The following PCDHGB2 variants were observed in gnomAD, a reference collection of about 807,000 sequenced individuals.
The protein encoded by PCDHGB2 is protocadherin gamma-B2.
In PCDHGB2, 55 loss-of-function variants were observed where a neutral mutation model predicts 59.3. That is an observed-to-expected ratio of 0.93 (90% CI 0.75 to 1.16). The LOEUF (loss-of-function observed/expected upper bound fraction) is 1.16. Ranked by LOEUF, PCDHGB2 falls within the 50% of genes most tolerant of loss-of-function variation. PCDHGB2 has a pLI of 0.00. For missense variants in PCDHGB2, 1,228 were observed against 1,198.5 expected (o/e 1.02, Z -0.36); for synonymous variants, 516 against 512.0 (o/e 1.01, Z -0.11).
intron 1 of PCDHGB2, chr5:141,391,737 T>C (rs1050956818): frequency 6.6e-6 from 1 of 152,224 alleles, no homozygotes; most frequent in Non-Finnish European, 1.5e-5. Context: ...TTTGTAGTCA[T>C]ACTTATCCTT....
intron 1 of PCDHGB2, chr5:141,388,466 G>A (rs1426666369): frequency 6.2e-7 from 1 of 1,613,812 alleles, no homozygotes. Flanking sequence ...ACCCTGAGAT[G>A]GTATTGAAGA....
intron 1 of PCDHGB2, chr5:141,422,005 A>G (rs2154549470): frequency 6.2e-7 from 1 of 1,609,814 alleles, no homozygotes; most frequent in Middle Eastern, 1.7e-4. Context: ...CAGCTCCGGA[A>G]CTCGGGTGCT....
Position 141,409,638 on chromosome 5 carries a change from C to T in PCDHGB2, c.2421+47082C>T, listed in dbSNP as rs1040366842. The T allele has an allele frequency of 3.1e-6, 5 of 1,613,648 alleles. No homozygotes were observed. The highest frequency in any genetic ancestry group is 1.7e-5 in the Admixed American group (1 of 60,006). ...ATTGCGCAAGTGAGCGCCTCTGACC[C>T]GGATTTGGGGCTCAATGGCCACATC... On this transcript the variant is annotated intron_variant, in intron 1 of 3. Coordinates refer to ENST00000522605, the MANE Select transcript of PCDHGB2 (RefSeq NM_018923.3).
At chr5:141,395,543 TGTGTG>T in intron 1 of PCDHGB2, 1 of 8,204 alleles carries the variant, frequency 1.2e-4, no homozygotes, top group Non-Finnish European at 2.0e-4. Context: ...TGCTATTGTT[TGTGTG>T]TGTGTGTGTG....
intron 1 of PCDHGB2, chr5:141,441,551 T>C (rs2098254450): frequency 5.4e-6 from 1 of 184,050 alleles, no homozygotes; most frequent in African/African-American, 2.4e-5. Flanking sequence ...GCCTCCATAG[T>C]GTGCAAGTAG....
intron 1 of PCDHGB2, chr5:141,418,422 G>T: frequency 6.2e-7 from 1 of 1,613,996 alleles, no homozygotes; most frequent in Non-Finnish European, 8.5e-7. Context: ...AATCCTGATG[G>T]TGGCAAATAT....
In PCDHGB2 at chr5:141,431,544, T is replaced by C. The variant is rs1409551731; in HGVS notation, c.2422-63263T>C. 1.2e-6 allele frequency: 2 copies of C among 1,614,152 alleles called. No individual in the cohort carries two copies. The highest frequency in any genetic ancestry group is 2.2e-5 in the South Asian group (2 of 91,092). ...AATCTGGCCTTGGGCACGCAGCTGC[T>C]TGTAGTCAACGCTACCGACCCTGAC... On this transcript the variant is annotated intron_variant, in intron 1 of 3. Coordinates refer to ENST00000522605, the MANE Select transcript of PCDHGB2 (RefSeq NM_018923.3). The surrounding 1 kb of genome is among the most constrained non-coding windows in gnomAD (Gnocchi z 4.8).
intron 1 of PCDHGB2, chr5:141,387,676 G>C: frequency 2.7e-6 from 2 of 732,232 alleles, no homozygotes; most frequent in Non-Finnish European, 4.3e-6. Context: ...AGATCTCCTC[G>C]CGCAGCCGCA....
At chr5:141,368,540 A>AT (rs34785174) in intron 1 of PCDHGB2, among the ~76,000 whole-genome samples, 26 of 152,116 alleles carry the variant, frequency 1.7e-4, no homozygotes, top group South Asian at 6.2e-4. Flanking sequence ...TTGCTTTTCC[A>AT]TTTTTTTTAA....
chr5:141,432,227 T>C lies in PCDHGB2; in HGVS notation c.2422-62580T>C, dbSNP rs1046414550. On this transcript the variant is annotated intron_variant, in intron 1 of 3. Coordinates refer to ENST00000522605, the MANE Select transcript of PCDHGB2 (RefSeq NM_018923.3). This position sits in a 1 kb window ranked among gnomAD's most constrained non-coding sequence, Gnocchi z 6.0. ...TGAAGAGAACGCCCAGATCACTTATTCCCTGGCTGAGAACACCATCCAAGG... is the reference window on the plus strand; with the variant it reads ...TGAAGAGAACGCCCAGATCACTTATCCCCTGGCTGAGAACACCATCCAAGG... 1.4e-5 allele frequency: 22 copies of C among 1,614,080 alleles called. No individual in the cohort carries two copies. The highest frequency in any genetic ancestry group is 1.8e-5 in the Non-Finnish European group (21 of 1,180,042).
chr5:141,444,588 A>G (rs1486905298), intron 1 of PCDHGB2, among the ~76,000 whole-genome samples: 1 of 152,138 alleles, frequency 6.6e-6, no homozygotes, highest in Non-Finnish European at 1.5e-5. Flanking sequence ...CTTTCTACTT[A>G]CCTTATTTAA....
intron 2 of PCDHGB2, among the ~76,000 whole-genome samples, chr5:141,495,262 A>G (rs550950979): frequency 1.3e-5 from 2 of 152,246 alleles, no homozygotes; most frequent in South Asian, 2.1e-4. Flanking sequence ...GCAGAAAAGC[A>G]TTTGACCGGA....
Position 141,361,613 on chromosome 5 carries a change from C to T in PCDHGB2, c.1478C>T (p.Ala493Val). The T allele has an allele frequency of 6.2e-7, 1 of 1,613,960 alleles. No homozygotes were observed. Among genetic ancestry groups the T allele is most frequent in the Non-Finnish European group, 8.5e-7 (1 of 1,179,910 alleles). The change falls in exon 1 of 4, where the codon GCG (alanine) becomes GTG (valine). Residue 493 changes from alanine (A) to valine (V), a missense_variant. Physicochemically the swap from Ala to Val is moderately conservative, Grantham distance 64. This residue lies in a region of PCDHGB2 where 781 missense variants were observed against 721.6 expected (regional missense o/e 1.08). Transcript: ENST00000522605. ...GGCCAAGTTTCCTACTCCATCGTAG[C>T]GAGCGACCTGAAGCCGCGGGAGATT... ...PSGQVSYSIV[A>V]SDLKPREILS... is the part of the protein sequence containing the mutation.
At chr5:141,500,340 C>A (rs188966393) in intron 2 of PCDHGB2, among the ~76,000 whole-genome samples, 92 of 152,066 alleles carry the variant, frequency 6.0e-4, no homozygotes, top group African/African-American at 2.1e-3. Flanking sequence ...TCCAGAATAG[C>A]TGGGACTACA....
Position 141,505,374 on chromosome 5 carries a change from C to T in PCDHGB2, c.2481-19C>T. The T allele has an allele frequency of 2.5e-6, 4 of 1,614,004 alleles. No homozygotes were observed. Among genetic ancestry groups the T allele is most frequent in the Non-Finnish European group, 2.5e-6 (3 of 1,179,944 alleles). On this transcript the variant is annotated intron_variant, in intron 2 of 3. Coordinates refer to ENST00000522605, the MANE Select transcript of PCDHGB2 (RefSeq NM_018923.3). Reference sequence around the variant, plus strand: ...TGCCGGCCTGGGAGTCTGTGCTCACCATCCTACTCTCTCCCCAGCTCCCAA... The same window carrying T: ...TGCCGGCCTGGGAGTCTGTGCTCACTATCCTACTCTCTCCCCAGCTCCCAA...
intron 1 of PCDHGB2, among the ~76,000 whole-genome samples, chr5:141,483,124 G>A (rs1468216170): frequency 6.6e-6 from 1 of 152,154 alleles, no homozygotes; most frequent in East Asian, 1.9e-4. Flanking sequence ...GTCTTTGTAG[G>A]AGATGAGGTG....
intron 1 of PCDHGB2, chr5:141,413,606 TA>T (rs778210256): frequency 6.8e-6 from 11 of 1,613,848 alleles, no homozygotes; most frequent in Admixed American, 5.0e-5. Context: ...AATCTAGACG[TA>T]AAAATTAATG....
At chr5:141,383,112 G>C (rs1167934535) in intron 1 of PCDHGB2, 5 of 1,613,924 alleles carry the variant, frequency 3.1e-6, no homozygotes, top group Non-Finnish European at 4.2e-6. Context: ...CCAGAGGTAG[G>C]ACGCAGCTTT....
At chr5:141,509,782 C>A (rs2099878218) in intron 3 of PCDHGB2, among the ~76,000 whole-genome samples, 1 of 152,144 alleles carries the variant, frequency 6.6e-6, no homozygotes, top group Admixed American at 6.5e-5. Context: ...TCCCCGAGAT[C>A]ATCATCTCCT....
Sources: gnomAD v4.1 joint callset for allele counts (sites outside exome capture counted in the v4.1 genomes callset) on GRCh38, gnomAD v4.1.1 for gene constraint, gnomAD v4.1.1 regional missense constraint, Gnocchi (gnomAD v3.1) non-coding constraint, MANE v1.5 for transcripts, NCBI Gene and HGNC (gene_info 2026-07-23, HGNC 2026-07-21) for gene names.